HAO2: variants seen among roughly 807,000 people sequenced by gnomAD.
The protein encoded by HAO2 is 2-Hydroxyacid oxidase 2.
A neutral mutation model predicts 37.4 loss-of-function variants in HAO2; 42 were observed. The observed-to-expected ratio is 1.12, with a 90% confidence interval of 0.88 to 1.45. HAO2 has a LOEUF of 1.45. HAO2 is among the 40% of genes most tolerant of loss of function. The pLI, the probability that HAO2 is intolerant of heterozygous loss-of-function variation, is 0.00. For synonymous variants in HAO2, 180 were observed against 162.8 expected (o/e 1.11, Z -0.81); for missense variants, 476 against 430.2 (o/e 1.11, Z -0.94).
intron 1 of HAO2, among the ~76,000 whole-genome samples, chr1:119,375,332 G>C (rs1649364508): frequency 6.6e-6 from 1 of 151,972 alleles, no homozygotes; most frequent in Non-Finnish European, 1.5e-5. Context: ...CCAAATTTAG[G>C]AAAAGCTTTG....
intron 1 of HAO2, among the ~76,000 whole-genome samples, chr1:119,378,336 C>A (rs1570761657): frequency 6.6e-6 from 1 of 152,256 alleles, no homozygotes; most frequent in Non-Finnish European, 1.5e-5. Flanking sequence ...ATTCAATTAC[C>A]TCCCACCAGG....
intron 3 of HAO2, among the ~76,000 whole-genome samples, chr1:119,383,998 A>G (rs1650177092): frequency 6.6e-6 from 1 of 152,218 alleles, no homozygotes; most frequent in Admixed American, 6.5e-5. Context: ...TGTTGACATG[A>G]AAAATTGAAA....
chr1:119,377,744 G>C lies in HAO2; in HGVS notation c.-8-3334G>C, dbSNP rs587661042. ...ATGTTTTAAATGGCAGCAGGTAAGAGAGCACATGCAGGGAACTGCCCTTTA... is the reference window on the plus strand; with the variant it reads ...ATGTTTTAAATGGCAGCAGGTAAGACAGCACATGCAGGGAACTGCCCTTTA... On this transcript the variant is annotated intron_variant, in intron 1 of 7. Coordinates refer to ENST00000325945, the MANE Select transcript of HAO2 (RefSeq NM_016527.4). Among the ~76,000 whole-genome samples the C allele has an allele frequency of 2.5e-4, 38 of 152,366 alleles. 2 individuals carry two copies. The highest frequency in any genetic ancestry group is 1.4e-3 in the South Asian group (7 of 4,830).
chr1:119,376,497 T>A (rs1649482599), intron 1 of HAO2, among the ~76,000 whole-genome samples: 1 of 152,062 alleles, frequency 6.6e-6, no homozygotes, highest in Non-Finnish European at 1.5e-5. Context: ...CATTCTGGAG[T>A]CTGGAGGATG....
chr1:119,385,322 G>A (rs1044967388), intron 4 of HAO2: 2 of 985,242 alleles, frequency 2.0e-6, no homozygotes, highest in African/African-American at 3.5e-5. Context: ...GCTGGATGCT[G>A]AGAAATAGGA....
At chr1:119,380,860 G>T in intron 1 of HAO2, 1 of 696,528 alleles carries the variant, frequency 1.4e-6, no homozygotes, top group Non-Finnish European at 2.5e-6. Context: ...CAGGATTTGG[G>T]AATGGGAATG....
intron 1 of HAO2, among the ~76,000 whole-genome samples, chr1:119,376,691 A>G (rs7513419): frequency 0.45 from 69,035 of 152,166 alleles, 16,769 homozygotes; most frequent in Non-Finnish European, 0.53. Flanking sequence ...TCTAGGCAGA[A>G]CTTCCCAAAT....
rs1188152797 is a variant in HAO2 at position 119,380,474 on chromosome 1, C to G, written c.-8-604C>G. ...CCAAGAATTACAAAGTAAACTTTGT[C>G]TTGTCCTTTCCCCACTCTGTAATCC... On this transcript the variant is annotated intron_variant, in intron 1 of 7. Coordinates refer to ENST00000325945, the MANE Select transcript of HAO2 (RefSeq NM_016527.4). The G allele has an allele frequency of 3.9e-5, 19 of 481,260 alleles. No individual in the cohort carries two copies. The South Asian group carries it at 8.7e-4, about 22-fold the overall frequency. The allele number at this position is 481,260 out of a possible 1,614,324, so 29.8% of individuals were successfully genotyped here. A position where few individuals can be genotyped will look rare whatever the true frequency, so the allele number is the denominator to read the frequency against.
At chr1:119,391,298 T>A (rs1024366707) in intron 5 of HAO2, among the ~76,000 whole-genome samples, 4 of 152,048 alleles carry the variant, frequency 2.6e-5, no homozygotes, top group African/African-American at 9.7e-5. Flanking sequence ...CAGAACTCCC[T>A]CCCCAAGGAT....
chr1:119,385,284 A>G (rs1381197251), intron 4 of HAO2: 1 of 985,264 alleles, frequency 1.0e-6, no homozygotes, highest in African/African-American at 1.7e-5. Flanking sequence ...GAGCTGCCCA[A>G]CTTGTCACCA....
intron 1 of HAO2, chr1:119,370,328 T>C (rs1156763648): frequency 1.3e-5 from 2 of 152,216 alleles, no homozygotes; most frequent in African/African-American, 4.8e-5. Flanking sequence ...CCTTCTTGGA[T>C]AAACTAATGA....
At chr1:119,370,924 A>G (rs1033118394) in intron 1 of HAO2, among the ~76,000 whole-genome samples, 3 of 152,322 alleles carry the variant, frequency 2.0e-5, no homozygotes, top group Admixed American at 1.3e-4. Flanking sequence ...GCAAGACCTG[A>G]AGTCACTAGT....
At chr1:119,384,016 T>C (rs1344310884) in intron 3 of HAO2, among the ~76,000 whole-genome samples, 1 of 152,214 alleles carries the variant, frequency 6.6e-6, no homozygotes, top group African/African-American at 2.4e-5. Flanking sequence ...AAAATGTTAA[T>C]TTTTGATTAG....
intron 4 of HAO2, among the ~76,000 whole-genome samples, chr1:119,386,225 T>C (rs1156881730): frequency 6.6e-6 from 1 of 152,196 alleles, no homozygotes; most frequent in Non-Finnish European, 1.5e-5. Context: ...TTTGTTTGTT[T>C]GTTTTTGAGA....
chr1:119,388,398 G>A (rs987190605), intron 5 of HAO2, among the ~76,000 whole-genome samples: 17 of 152,188 alleles, frequency 1.1e-4, no homozygotes, highest in South Asian at 2.1e-4. Context: ...ACTGAGTAAT[G>A]AGTAGACAAA....
chr1:119,391,852 A>C (rs1650934049), intron 5 of HAO2, among the ~76,000 whole-genome samples: 1 of 152,208 alleles, frequency 6.6e-6, no homozygotes. Flanking sequence ...AGAATAACCA[A>C]GCAGTTCTTC....
At chr1:119,376,692 C>T (rs914562585) in intron 1 of HAO2, among the ~76,000 whole-genome samples, 4 of 152,246 alleles carry the variant, frequency 2.6e-5, no homozygotes, top group East Asian at 1.9e-4. Flanking sequence ...CTAGGCAGAA[C>T]TTCCCAAATC....
At chr1:119,374,628 C>T (rs1649299971) in intron 1 of HAO2, among the ~76,000 whole-genome samples, 1 of 152,176 alleles carries the variant, frequency 6.6e-6, no homozygotes, top group South Asian at 2.1e-4. Context: ...CTTTTCTCCC[C>T]CGTTGTATCT....
At chr1:119,384,297 G>C (rs1650203009) in intron 3 of HAO2, among the ~76,000 whole-genome samples, 1 of 152,214 alleles carries the variant, frequency 6.6e-6, no homozygotes, top group Non-Finnish European at 1.5e-5. Flanking sequence ...AAGAAAATGA[G>C]AGACTCAATG....
Sources: allele counts gnomAD v4.1 joint callset (sites outside exome capture counted in the v4.1 genomes callset), GRCh38; gene constraint gnomAD v4.1.1; transcripts MANE v1.5; gene names NCBI Gene and HGNC (gene_info 2026-07-23, HGNC 2026-07-21).